The following PLCE1 variants were observed in gnomAD, a reference collection of about 807,000 sequenced individuals.
PLCE1 encodes 1-phosphatidylinositol 4,5-bisphosphate phosphodiesterase epsilon-1.
In PLCE1, 119 loss-of-function variants were observed where a neutral mutation model predicts 242.8. That is an observed-to-expected ratio of 0.49 (90% CI 0.42 to 0.57). The LOEUF is 0.57. Among genes scored for constraint, PLCE1 ranks in the 20% least tolerant of loss-of-function variants. PLCE1 has a pLI of 0.00. For missense variants in PLCE1, 2,441 were observed against 2,788.8 expected, an observed-to-expected ratio of 0.88 and a Z score of 2.81; for synonymous variants, 945 against 1,017.4, an observed-to-expected ratio of 0.93 and a Z score of 1.35.
At chr10:94,037,834 A>G (rs1406185500) in intron 2 of PLCE1, among the ~76,000 whole-genome samples, 4 of 152,176 alleles carry the variant, frequency 2.6e-5, no homozygotes, top group African/African-American at 9.7e-5. Context: ...GCGGGAATGA[A>G]AAACCTTGAC....
intron 6 of PLCE1, among the ~76,000 whole-genome samples, chr10:94,235,366 C>T (rs532537211): frequency 6.6e-6 from 1 of 152,324 alleles, no homozygotes; most frequent in South Asian, 2.1e-4. Flanking sequence ...CATCTCTTAT[C>T]CCAGACACAG....
rs3203713 is a variant in PLCE1 at position 94,327,971 on chromosome 10, A to G, written c.*28A>G. ...GCCTCTGTATACAACATTACAGGTG[A>G]AGATCTTTAAGCAAGAAGTTAAAGA... On this transcript the variant is annotated 3_prime_UTR_variant, in exon 33 of 33. Transcript: ENST00000371380. The G allele has an allele frequency of 0.15, 77,506 of 531,220 alleles. 6,423 individuals are homozygous for G. Among genetic ancestry groups the G allele is most frequent in the Middle Eastern group, 0.23 (707 of 3,136 alleles). 32.9% of individuals were successfully genotyped at this position (531,220 alleles called of 1,614,324 possible).
intron 3 of PLCE1, among the ~76,000 whole-genome samples, chr10:94,139,889 G>C (rs2797983): frequency 0.43 from 65,484 of 151,938 alleles, 15,251 homozygotes; most frequent in Non-Finnish European, 0.53. Flanking sequence ...TTTTAGATTG[G>C]TTCTGTTCTC....
chr10:94,246,896 A>C (rs935169824), intron 8 of PLCE1, among the ~76,000 whole-genome samples: 10 of 152,112 alleles, frequency 6.6e-5, no homozygotes, highest in South Asian at 2.1e-4. Flanking sequence ...TGGATCACCC[A>C]AGGTCAGGAG....
chr10:94,072,800 G>C (rs1442938149), intron 2 of PLCE1, among the ~76,000 whole-genome samples: 1 of 152,156 alleles, frequency 6.6e-6, no homozygotes, highest in Non-Finnish European at 1.5e-5. Context: ...AAGAGGGTTA[G>C]ATGAGTCTGA....
chr10:94,320,155 TATG>T (rs1347971292), intron 29 of PLCE1, among the ~76,000 whole-genome samples: 2 of 152,278 alleles, frequency 1.3e-5, no homozygotes, highest in East Asian at 1.9e-4. Context: ...TGGTTAAATA[TATG>T]ATGATCAGTG....
At chr10:94,183,099 T>C (rs1390000645) in intron 4 of PLCE1, among the ~76,000 whole-genome samples, 1 of 152,228 alleles carries the variant, frequency 6.6e-6, no homozygotes, top group Non-Finnish European at 1.5e-5. Flanking sequence ...TGAGCCTCTT[T>C]TCAGGACGGC....
chr10:94,276,541 G>A (rs1346985660), intron 19 of PLCE1, among the ~76,000 whole-genome samples: 1 of 152,134 alleles, frequency 6.6e-6, no homozygotes, highest in East Asian at 1.9e-4. Context: ...AGTCACCATG[G>A]TGTCTGCGTA....
Position 94,031,423 on chromosome 10 carries a change from A to G in PLCE1, c.377A>G (p.Tyr126Cys). Reference protein sequence around the residue: ...GLPQRQFYEMYNSVAEEDLCL... With the variant: ...GLPQRQFYEMCNSVAEEDLCL... ...CCTCAGAGACAATTTTATGAAATGTACAACTCTGTTGCTGAGGAAGACTTG... is the reference window on the plus strand; with the variant it reads ...CCTCAGAGACAATTTTATGAAATGTGCAACTCTGTTGCTGAGGAAGACTTG... Residue 126 changes from tyrosine (Y) to cysteine (C), a missense_variant, in exon 2 of 33, where the codon TAC (tyrosine) becomes TGC (cysteine). Tyr to Cys is a radical substitution (Grantham distance 194). Around this residue, in one of 5 missense-constraint regions of PLCE1, gnomAD observed 393 missense variants for 378.5 expected, o/e 1.04. Transcript: ENST00000371380. 1 of 1,613,850 alleles carries G rather than the reference A, an allele frequency of 6.2e-7. No individual in the cohort carries two copies. Among genetic ancestry groups the G allele is most frequent in the East Asian group, 2.2e-5 (1 of 44,870 alleles).
intron 2 of PLCE1, among the ~76,000 whole-genome samples, chr10:94,036,749 A>T (rs549237482): frequency 6.6e-6 from 1 of 152,254 alleles, no homozygotes; most frequent in South Asian, 2.1e-4. Flanking sequence ...AATTTTGAGG[A>T]GTTTAGATAC....
At chr10:94,071,315 T>C (rs1266331966) in intron 2 of PLCE1, among the ~76,000 whole-genome samples, 2 of 152,054 alleles carry the variant, frequency 1.3e-5, no homozygotes, top group Admixed American at 1.3e-4. Context: ...TTCATCTTTT[T>C]TTCTCCTCTG....
intron 5 of PLCE1, among the ~76,000 whole-genome samples, chr10:94,232,826 T>C (rs1193080819): frequency 6.6e-6 from 1 of 152,262 alleles, no homozygotes; most frequent in Admixed American, 6.5e-5. Flanking sequence ...ACAGGACATA[T>C]CTACTGGAAT....
intron 23 of PLCE1, among the ~76,000 whole-genome samples, chr10:94,297,590 TAAAAA>T (rs71031568): frequency 1.4e-4 from 8 of 56,572 alleles, no homozygotes; most frequent in East Asian, 5.6e-4. Flanking sequence ...TTTAAATTTG[TAAAAA>T]AAAAAAAAAA....
chr10:94,041,190 ACAGT>A (rs1380220051), intron 2 of PLCE1, among the ~76,000 whole-genome samples: 5 of 151,834 alleles, frequency 3.3e-5, no homozygotes, highest in African/African-American at 1.2e-4. Context: ...AGAGTTTCTG[ACAGT>A]CAGTGCTCAA....
At position 94,234,284 on chromosome 10, in the gene PLCE1, G is replaced by A. The variant is rs767839016; in HGVS notation, c.2186G>A (p.Arg729Gln). The A allele has an allele frequency of 4.4e-5, 71 of 1,613,964 alleles. No individual in the cohort carries two copies. The highest frequency in any genetic ancestry group is 2.0e-4 in the Admixed American group (12 of 60,004). The change falls in exon 6 of 33, where the codon CGG becomes CAG. Residue 729 changes from arginine to glutamine, a missense_variant. By Grantham distance (43) the Arg-to-Gln change is conservative (BLOSUM62 1). This residue lies in a region of PLCE1 where 733 missense variants were observed against 754.2 expected (regional missense o/e 0.97). Transcript: ENST00000371380. ...TCCGGTCTCATGAAGCTTTGCCCGC[G>A]GTACAATTCCCAAGAAGAAACTTTA... Reference protein sequence around the residue: ...GASGLMKLCPRYNSQEETLEF... With the variant: ...GASGLMKLCPQYNSQEETLEF...
intron 3 of PLCE1, among the ~76,000 whole-genome samples, chr10:94,151,797 T>C (rs192729959): frequency 1.3e-5 from 2 of 152,188 alleles, no homozygotes; most frequent in East Asian, 3.9e-4. Context: ...TCAAAGAAGG[T>C]CCTTGGGGTT....
At chr10:94,093,263 A>G (rs2045148177) in intron 2 of PLCE1, among the ~76,000 whole-genome samples, 1 of 152,078 alleles carries the variant, frequency 6.6e-6, no homozygotes, top group Non-Finnish European at 1.5e-5. Flanking sequence ...AAATATAATA[A>G]ATCAAATAAT....
In PLCE1 at chr10:94,273,599, T is replaced by C; in HGVS notation, c.4544T>C (p.Phe1515Ser). 2.5e-6 allele frequency: 4 copies of C among 1,613,854 alleles called. No homozygotes were observed. Among genetic ancestry groups the C allele is most frequent in the Non-Finnish European group, 3.4e-6 (4 of 1,179,784 alleles). Residue 1515 changes from phenylalanine (F) to serine (S), a missense_variant, in exon 19 of 33, where the codon TTT becomes TCT. Around this residue, in one of 5 missense-constraint regions of PLCE1, gnomAD observed 1,004 missense variants for 1,322.7 expected, o/e 0.76. Transcript: ENST00000371380. ...GAAAAGCTGGTGACTAAATTCTTAT[T>C]TGAGACTGATTTCTCAGATGATCCA... ...FGEKLVTKFL[F>S]ETDFSDDPML...
At chr10:94,300,808 C>T (rs1199709900) in intron 24 of PLCE1, among the ~76,000 whole-genome samples, 2 of 152,182 alleles carry the variant, frequency 1.3e-5, no homozygotes, top group African/African-American at 4.8e-5. Flanking sequence ...TACCTGTAAT[C>T]CCAGCACTTT....
Sources: gnomAD v4.1 joint callset for allele counts (sites outside exome capture counted in the v4.1 genomes callset) on GRCh38, gnomAD v4.1.1 for gene constraint, gnomAD v4.1.1 regional missense constraint, MANE v1.5 for transcripts, NCBI Gene and HGNC (gene_info 2026-07-23, HGNC 2026-07-21) for gene names.